MEGF11: variants seen among roughly 807,000 people sequenced by gnomAD.
MEGF11 encodes the protein multiple EGF like domains 11, also known as multiple epidermal growth factor-like domains protein 11.
In MEGF11, 126 loss-of-function variants were observed where a neutral mutation model predicts 146.6. That is an observed-to-expected ratio of 0.86 (90% CI 0.74 to 1.00). The LOEUF (loss-of-function observed/expected upper bound fraction) is 1.00, where lower values mean the gene tolerates loss of function less well. MEGF11 is among the 50% of genes least tolerant of loss of function. The pLI is 0.00. For missense variants in MEGF11, 1,509 were observed against 1,521.2 expected (o/e 0.99, Z 0.13); for synonymous variants, 532 against 583.4 (o/e 0.91, Z 1.27).
chr15:65,926,822 C>A (rs1395605966), intron 13 of MEGF11, among the ~76,000 whole-genome samples: 1 of 152,196 alleles, frequency 6.6e-6, no homozygotes, highest in African/African-American at 2.4e-5. Context: ...AAAATTAAGG[C>A]AATGAAAAAT....
At chr15:66,164,889 AG>A (rs2090055998) in intron 1 of MEGF11, among the ~76,000 whole-genome samples, 2 of 152,232 alleles carry the variant, frequency 1.3e-5, no homozygotes. Flanking sequence ...AGTTCCAGGC[AG>A]GTGACTGCAG....
chr15:66,148,118 G>A (rs541670695), intron 1 of MEGF11, among the ~76,000 whole-genome samples: 3 of 152,284 alleles, frequency 2.0e-5, no homozygotes, highest in South Asian at 2.1e-4. Context: ...GTGTACACGC[G>A]TGCATGTGTG....
At chr15:65,900,470 TACTTTTCTGTTA>T (rs1034378070) in intron 24 of MEGF11, among the ~76,000 whole-genome samples, 1 of 152,230 alleles carries the variant, frequency 6.6e-6, no homozygotes, top group African/African-American at 2.4e-5. Flanking sequence ...GAAGAGTATT[TACTTTTCTGTTA>T]AAGTAGATGT....
At chr15:66,037,432 T>C (rs569086100) in intron 5 of MEGF11, among the ~76,000 whole-genome samples, 6 of 152,246 alleles carry the variant, frequency 3.9e-5, no homozygotes, top group Non-Finnish European at 7.3e-5. Flanking sequence ...AATCTTTCTA[T>C]GCCTCAGTTT....
At chr15:66,214,025 G>A (rs7175984) in intron 1 of MEGF11, among the ~76,000 whole-genome samples, 48,451 of 138,406 alleles carry the variant, frequency 0.35, 9,479 homozygotes, top group East Asian at 0.57. Context: ...AAAATGAGCC[G>A]GCCACTTTTT....
chr15:66,061,913 G>A (rs1366858674), intron 5 of MEGF11, among the ~76,000 whole-genome samples: 1 of 152,138 alleles, frequency 6.6e-6, no homozygotes, highest in Admixed American at 6.6e-5. Context: ...GGTACTATAG[G>A]TGCACACCAC....
intron 1 of MEGF11, among the ~76,000 whole-genome samples, chr15:66,228,904 G>A (rs1191049976): frequency 6.6e-6 from 1 of 152,060 alleles, no homozygotes. Flanking sequence ...CTCCATCCCA[G>A]GAGGCCCCAC....
At chr15:66,001,091 G>T (rs1251351872) in intron 5 of MEGF11, among the ~76,000 whole-genome samples, 1 of 152,178 alleles carries the variant, frequency 6.6e-6, no homozygotes, top group Non-Finnish European at 1.5e-5. Flanking sequence ...GACATGTGGG[G>T]ACAGAAATTT....
intron 4 of MEGF11, among the ~76,000 whole-genome samples, chr15:66,094,774 T>G (rs1355839113): frequency 6.6e-6 from 1 of 152,204 alleles, no homozygotes; most frequent in African/African-American, 2.4e-5. Context: ...GAACATTTCC[T>G]GCAACGTTTA....
intron 1 of MEGF11, among the ~76,000 whole-genome samples, chr15:66,225,572 T>C (rs890266315): frequency 1.3e-5 from 2 of 152,196 alleles, no homozygotes; most frequent in Admixed American, 6.5e-5. Flanking sequence ...TCTGGTCACA[T>C]CTGGCAGACA....
intron 1 of MEGF11, among the ~76,000 whole-genome samples, chr15:66,190,518 A>G (rs1260253611): frequency 6.6e-6 from 1 of 152,192 alleles, no homozygotes; most frequent in Non-Finnish European, 1.5e-5. Flanking sequence ...TCCTCCTCAG[A>G]CACACTTGAG....
In MEGF11 at chr15:65,915,606, G is replaced by A; in HGVS notation, c.2345-8C>T. The A allele has an allele frequency of 6.2e-7, 1 of 1,613,442 alleles. No individual in the cohort carries two copies. Among genetic ancestry groups the A allele is most frequent in the African/African-American group, 1.3e-5 (1 of 75,024 alleles). On this transcript the variant is annotated splice_polypyrimidine_tract_variant and splice_region_variant and intron_variant, in intron 18 of 25. Transcript: ENST00000395614. ...AGGTTCCTGGGGCACATCCTGTGTGGCACAAAGAGTTAGGGTAGAGGACCC... is the reference window on the plus strand; with the variant it reads ...AGGTTCCTGGGGCACATCCTGTGTGACACAAAGAGTTAGGGTAGAGGACCC...
intron 5 of MEGF11, among the ~76,000 whole-genome samples, chr15:66,018,623 A>G (rs2082978955): frequency 6.6e-6 from 1 of 152,198 alleles, no homozygotes; most frequent in African/African-American, 2.4e-5. Context: ...TGGTGAGCGC[A>G]TGTGTGAGTG....
At chr15:66,081,797 T>A (rs1273304466) in intron 5 of MEGF11, among the ~76,000 whole-genome samples, 1 of 152,246 alleles carries the variant, frequency 6.6e-6, no homozygotes, top group Non-Finnish European at 1.5e-5. Context: ...ACTTCTGCTA[T>A]GAACTGAATG....
At chr15:65,910,971 G>T (rs1383083075) in intron 21 of MEGF11, among the ~76,000 whole-genome samples, 1 of 152,192 alleles carries the variant, frequency 6.6e-6, no homozygotes, top group South Asian at 2.1e-4. Context: ...CTTGGGGGCT[G>T]TTCTTCCTCA....
chr15:65,904,968 C>T (rs2078584004), intron 24 of MEGF11, among the ~76,000 whole-genome samples: 1 of 152,224 alleles, frequency 6.6e-6, no homozygotes, highest in Non-Finnish European at 1.5e-5. Context: ...TCTGGGTTCA[C>T]TGCAACCTTT....
rs1173895668 is a variant in MEGF11 at position 65,925,801 on chromosome 15, C to G, written c.1675+2624G>C. On this transcript the variant is annotated intron_variant, in intron 13 of 25. Transcript: ENST00000395614. ...GTGAAGCCAGTAGCCACTCAGCAGC[C>G]CATATCCTTCAGGGTCCGTTTAGGG... Among the ~76,000 whole-genome samples the G allele has an allele frequency of 2.6e-5, 4 of 152,138 alleles. No homozygotes were observed. The South Asian group carries it at 6.2e-4, about 24-fold the overall frequency.
intron 13 of MEGF11, among the ~76,000 whole-genome samples, chr15:65,924,328 G>A (rs1342446542): frequency 7.4e-6 from 1 of 135,258 alleles, no homozygotes; most frequent in Non-Finnish European, 1.6e-5. Flanking sequence ...GGCTTCAGAT[G>A]CCACTCTCTG....
intron 1 of MEGF11, among the ~76,000 whole-genome samples, chr15:66,194,508 T>G (rs1471288403): frequency 6.6e-6 from 1 of 152,152 alleles, no homozygotes; most frequent in Non-Finnish European, 1.5e-5. Flanking sequence ...GTCAAGAGGC[T>G]GAGACAGGAG....
Sources: gnomAD v4.1 joint callset for allele counts (sites outside exome capture counted in the v4.1 genomes callset) on GRCh38, gnomAD v4.1.1 for gene constraint, MANE v1.5 for transcripts, NCBI Gene and HGNC (gene_info 2026-07-23, HGNC 2026-07-21) for gene names.